The following PDSS2 variants were observed in gnomAD, a reference collection of about 807,000 sequenced individuals.
PDSS2 encodes the protein all trans-polyprenyl-diphosphate synthase PDSS2.
In PDSS2, 31 loss-of-function variants were observed where a neutral mutation model predicts 44.5. That is an observed-to-expected ratio of 0.70 (90% CI 0.52 to 0.94). The LOEUF is 0.94. Among genes scored for constraint, PDSS2 ranks in the 40% least tolerant of loss-of-function variants. The pLI, the probability that PDSS2 is intolerant of heterozygous loss-of-function variation, is 0.00. For synonymous variants in PDSS2, 157 were observed against 180.3 expected (o/e 0.87, Z 1.03); for missense variants, 452 against 482.2 (o/e 0.94, Z 0.59).
chr6:107,184,832 CTTT>C (rs11317648), intron 7 of PDSS2, among the ~76,000 whole-genome samples: 2 of 147,560 alleles, frequency 1.4e-5, no homozygotes, highest in Non-Finnish European at 1.5e-5. Context: ...TCTGGAAGAT[CTTT>C]TTTTTTTTTT....
chr6:107,373,481 C>T (rs1456420303), intron 1 of PDSS2, among the ~76,000 whole-genome samples: 1 of 152,134 alleles, frequency 6.6e-6, no homozygotes, highest in African/African-American at 2.4e-5. Context: ...TAAATTTATA[C>T]CTCAGGACTT....
chr6:107,220,445 A>T (rs1773563675), intron 4 of PDSS2, among the ~76,000 whole-genome samples: 1 of 152,124 alleles, frequency 6.6e-6, no homozygotes, highest in Non-Finnish European at 1.5e-5. Flanking sequence ...TATGAAGATT[A>T]ATAAACAGCC....
intron 1 of PDSS2, among the ~76,000 whole-genome samples, chr6:107,404,796 A>T (rs1780257607): frequency 6.6e-6 from 1 of 152,248 alleles, no homozygotes; most frequent in African/African-American, 2.4e-5. Flanking sequence ...GACACAGCCA[A>T]ACCATATTAC....
chr6:107,234,054 G>C lies in PDSS2; in HGVS notation c.702+11494C>G, dbSNP rs184975407. ...TCTGTATCATTAGTAATTATATAAT[G>C]AAAAACTCAGAACATAATATATTTT... On this transcript the variant is annotated intron_variant, in intron 4 of 7. Coordinates refer to ENST00000369037, the MANE Select transcript of PDSS2 (RefSeq NM_020381.4). Among the ~76,000 whole-genome samples, 3 of 152,164 alleles carry C rather than the reference G, an allele frequency of 2.0e-5. No homozygotes were observed. In the East Asian group the frequency reaches 5.8e-4, roughly 29 times the overall value.
intron 4 of PDSS2, among the ~76,000 whole-genome samples, chr6:107,212,529 A>G (rs1562379482): frequency 6.6e-6 from 1 of 152,146 alleles, no homozygotes; most frequent in Non-Finnish European, 1.5e-5. Context: ...AAGCTAGGGA[A>G]CTTCTATTAA....
intron 2 of PDSS2, among the ~76,000 whole-genome samples, chr6:107,280,759 A>C (rs532902796): frequency 1.3e-5 from 2 of 152,248 alleles, no homozygotes; most frequent in Non-Finnish European, 2.9e-5. Context: ...TTTTGCATTT[A>C]AGTTGATGTT....
At chr6:107,445,188 T>TTATATATATATATATATATATATA (rs60071847) in intron 1 of PDSS2, among the ~76,000 whole-genome samples, 18 of 149,820 alleles carry the variant, frequency 1.2e-4, no homozygotes, top group African/African-American at 4.4e-4. Context: ...ATTACATATT[T>TTATATATATATATATATATATATA]TATATATATA....
chr6:107,200,985 T>C (rs1217333148), intron 6 of PDSS2, among the ~76,000 whole-genome samples: 1 of 152,090 alleles, frequency 6.6e-6, no homozygotes, highest in Non-Finnish European at 1.5e-5. Context: ...ATTATTAAAA[T>C]AACTTTCTCA....
intron 1 of PDSS2, among the ~76,000 whole-genome samples, chr6:107,387,163 T>G (rs772511505): frequency 2.6e-5 from 4 of 152,188 alleles, no homozygotes; most frequent in Admixed American, 6.5e-5. Context: ...GACCTTGACA[T>G]CTGGAAAGTT....
chr6:107,163,413 C>G (rs1229572836), intron 7 of PDSS2, among the ~76,000 whole-genome samples: 1 of 152,156 alleles, frequency 6.6e-6, no homozygotes, highest in African/African-American at 2.4e-5. Context: ...CCAGTAATGA[C>G]TTATCAGTAA....
intron 6 of PDSS2, among the ~76,000 whole-genome samples, chr6:107,199,979 T>C (rs1172678134): frequency 5.9e-5 from 9 of 152,198 alleles, no homozygotes; most frequent in African/African-American, 2.2e-4. Context: ...CTTCCATCTG[T>C]AGAAAACAAA....
At chr6:107,230,696 G>T (rs373359913) in intron 4 of PDSS2, among the ~76,000 whole-genome samples, 1 of 151,626 alleles carries the variant, frequency 6.6e-6, no homozygotes. Flanking sequence ...ATAGTGATGA[G>T]AAAAACATGC....
chr6:107,260,871 C>T, intron 3 of PDSS2, among the ~76,000 whole-genome samples: 1 of 151,978 alleles, frequency 6.6e-6, no homozygotes. Flanking sequence ...ACCGTGTTAG[C>T]CAGGATGGTC....
chr6:107,224,058 C>T (rs953614959), intron 4 of PDSS2, among the ~76,000 whole-genome samples: 1 of 151,238 alleles, frequency 6.6e-6, no homozygotes, highest in Non-Finnish European at 1.5e-5. Flanking sequence ...CTCCATAATG[C>T]CTGATGATAC....
chr6:107,246,439 T>TA (rs2114808751), intron 3 of PDSS2, among the ~76,000 whole-genome samples: 1 of 152,340 alleles, frequency 6.6e-6, no homozygotes, highest in African/African-American at 2.4e-5. Context: ...ATCCGCTTCT[T>TA]ACAAGTCTTA....
chr6:107,388,540 C>G (rs527459304), intron 1 of PDSS2, among the ~76,000 whole-genome samples: 2 of 151,976 alleles, frequency 1.3e-5, no homozygotes, highest in Admixed American at 6.5e-5. Context: ...GCTCCGCCTC[C>G]CGGGTTCACG....
At position 107,247,839 on chromosome 6, in the gene PDSS2, T is replaced by TAAAA. The variant is rs10648723; in HGVS notation, c.631-2224_631-2221dup. ...CAACATGGTGAAACCCTGTCTCTAC[T>TAAAA]AAAAAAAAAAAAAAAAAAAAAAGAC... On this transcript the variant is annotated intron_variant, in intron 3 of 7. Coordinates refer to ENST00000369037, the MANE Select transcript of PDSS2 (RefSeq NM_020381.4). Among the ~76,000 whole-genome samples the TAAAA allele has an allele frequency of 8.2e-4, 72 of 87,986 alleles. 1 individual carries two copies. The highest frequency in any genetic ancestry group is 3.0e-3 in the African/African-American group (64 of 21,212). 57.7% of individuals were successfully genotyped at this position (87,986 alleles called of 152,430 possible).
At chr6:107,407,888 T>C (rs1368815656) in intron 1 of PDSS2, among the ~76,000 whole-genome samples, 1 of 151,738 alleles carries the variant, frequency 6.6e-6, no homozygotes, top group Non-Finnish European at 1.5e-5. Context: ...TTAGCAGAGA[T>C]GGGCTATTAC....
At chr6:107,224,540 G>C (rs1452509497) in intron 4 of PDSS2, among the ~76,000 whole-genome samples, 1 of 151,398 alleles carries the variant, frequency 6.6e-6, no homozygotes, top group Non-Finnish European at 1.5e-5. Flanking sequence ...CAATAGTGCT[G>C]AGTTGTCATG....
Sources: gnomAD v4.1 joint callset for allele counts (sites outside exome capture counted in the v4.1 genomes callset) on GRCh38, gnomAD v4.1.1 for gene constraint, MANE v1.5 for transcripts, NCBI Gene and HGNC (gene_info 2026-07-23, HGNC 2026-07-21) for gene names.